CDK9: variants seen among roughly 807,000 people sequenced by gnomAD.
CDK9 encodes the protein cyclin-dependent kinase 9.
CDK9 carries 34 observed loss-of-function variants against 39.0 expected under a neutral mutation model. The observed-to-expected ratio is 0.87, with a 90% CI of 0.66 to 1.16. The LOEUF is 1.16. Ranked by LOEUF, CDK9 falls within the 50% of genes most tolerant of loss-of-function variation. The probability of loss-of-function intolerance (pLI) is 0.00; values close to 1 mark genes in which losing one functional copy is unlikely to be tolerated. For missense variants in CDK9, 369 were observed against 503.2 expected (o/e 0.73, Z 2.55); for synonymous variants, 233 against 196.2 (o/e 1.19, Z -1.57).
intron 3 of CDK9, 135 bp from the exon 4 acceptor site, chr9:127,787,812 G>A: frequency 9.9e-7 from 1 of 1,012,324 alleles, no homozygotes; most frequent in Non-Finnish European, 1.5e-6. Context: ...TATTTGACCG[G>A]TGAAGGAAGG....
In CDK9 at chr9:127,790,265, T is replaced by C. The variant is rs975380087; in HGVS notation, c.*722T>C. 24 of 152,364 alleles carry C rather than the reference T, an allele frequency of 1.6e-4. No homozygotes were observed. Among genetic ancestry groups the C allele is most frequent in the African/African-American group, 5.3e-4 (22 of 41,578 alleles). 9.4% of individuals were successfully genotyped at this position (152,364 alleles called of 1,614,324 possible). ...TCCATAATTGGAAAGGACCTTTGTCTGTTTTTCCTCTTGGGTGCCTTCCAG... is the reference window on the plus strand; with the variant it reads ...TCCATAATTGGAAAGGACCTTTGTCCGTTTTTCCTCTTGGGTGCCTTCCAG... On this transcript the variant is annotated 3_prime_UTR_variant, in exon 7 of 7. Coordinates refer to ENST00000373264, the MANE Select transcript of CDK9 (RefSeq NM_001261.4).
At chr9:127,786,648 G>A in intron 1 of CDK9, 53 bp from the exon 2 acceptor site, 1 of 1,482,532 alleles carries the variant, frequency 6.7e-7, no homozygotes, top group Non-Finnish European at 9.3e-7. Context: ...GGGGAGGGGC[G>A]GGCCCTGCGG....
chr9:127,788,162 T>G (rs1829364578), intron 4 of CDK9, 49 bp downstream of exon 4: 10 of 1,613,314 alleles, frequency 6.2e-6, no homozygotes, highest in Non-Finnish European at 7.6e-6. Flanking sequence ...TGGTCTTGGC[T>G]CCCACTCCCG....
At chr9:127,788,507 G>A in intron 5 of CDK9, 37 bp from the exon 6 acceptor site, 1 of 1,534,460 alleles carries the variant, frequency 6.5e-7, no homozygotes, top group Non-Finnish European at 8.8e-7. Context: ...GAGGCCCTCG[G>A]GCTCAAGGGG....
At position 127,789,481 on chromosome 9, in the gene CDK9, TCC is replaced by T; in HGVS notation, c.1058_1059del (p.Ser353TyrfsTer16). The T allele has an allele frequency of 6.2e-7, 1 of 1,614,100 alleles. No individual in the cohort carries two copies. The highest frequency in any genetic ancestry group is 8.5e-7 in the Non-Finnish European group (1 of 1,180,030). Reference protein sequence around the residue: ...RRKGSQITQQSTNQSRNPATT... With the variant: ...RRKGSQITQQXTNQSRNPATT... ...GAAGGGCAGCCAGATCACCCAGCAG[TCC>T]ACCAACCAGAGTCGCAATCCCGCCA... On this transcript the variant is annotated frameshift_variant, in exon 7 of 7. Transcript: ENST00000373264. LOFTEE classifies it high-confidence loss of function. This position sits in a 1 kb window ranked among gnomAD's most constrained non-coding sequence, Gnocchi z 5.2.
chr9:127,787,004 C>CT (rs1829336435), intron 2 of CDK9, among the ~76,000 whole-genome samples: 2 of 152,190 alleles, frequency 1.3e-5, no homozygotes, highest in Non-Finnish European at 2.9e-5. Context: ...ATCGTGTGCA[C>CT]TTTATTTCAC....
At position 127,789,039 on chromosome 9, in the gene CDK9, G is replaced by A. The variant is rs773830257; in HGVS notation, c.754-139G>A. 403 of 1,146,022 alleles carry A rather than the reference G, an allele frequency of 3.5e-4. 4 individuals carry two copies. The Middle Eastern group carries it at 3.6e-3, about 10-fold the overall frequency. 71.0% of individuals were successfully genotyped at this position (1,146,022 alleles called of 1,614,324 possible). A position where few individuals can be genotyped will look rare whatever the true frequency, so the allele number is the denominator to read the frequency against. On this transcript the variant is annotated intron_variant, in intron 6 of 6. Coordinates refer to ENST00000373264, the MANE Select transcript of CDK9 (RefSeq NM_001261.4). This position sits in a 1 kb window ranked among gnomAD's most constrained non-coding sequence, Gnocchi z 5.2. ...TATGTGCCAATCCATAGCGGGCACT[G>A]CTTCTGGGAGGGGTCGAGTAGCAGT...
In CDK9 at chr9:127,789,904, CAG is replaced by C. The variant is rs1189272231; in HGVS notation, c.*362_*363del. On this transcript the variant is annotated 3_prime_UTR_variant, in exon 7 of 7. Coordinates refer to ENST00000373264, the MANE Select transcript of CDK9 (RefSeq NM_001261.4). This position sits in a 1 kb window ranked among gnomAD's most constrained non-coding sequence, Gnocchi z 5.2. ...TCGGGCTGAGAACCCTGCGTGGGGA[CAG>C]GGCTCGCCTCAGGAATGGGCTGTTT... is the stretch of plus-strand genomic sequence containing the variant. 8.3e-6 allele frequency: 2 copies of C among 239,786 alleles called. No homozygotes were observed. Among genetic ancestry groups the C allele is most frequent in the Non-Finnish European group, 1.6e-5 (2 of 122,282 alleles). The allele number at this position is 239,786 out of a possible 1,614,324, so 14.9% of individuals were successfully genotyped here.
intron 2 of CDK9, 103 bp from the exon 3 acceptor site, chr9:127,787,415 C>T: frequency 4.3e-6 from 3 of 697,068 alleles, no homozygotes; most frequent in Middle Eastern, 2.5e-4. Context: ...GTTTCAGAGC[C>T]CATGATCTTG....
At chr9:127,787,882 T>G in intron 3 of CDK9, 65 bp from the exon 4 acceptor site, 2 of 1,552,774 alleles carry the variant, frequency 1.3e-6, no homozygotes, top group Non-Finnish European at 1.8e-6. Context: ...AGAAAGAAGC[T>G]GGTTGTGGGA....
chr9:127,788,306 C>T lies in CDK9; in HGVS notation c.525C>T (p.Ser175=), dbSNP rs1307152851. The T allele has an allele frequency of 1.2e-6, 2 of 1,613,152 alleles. No homozygotes were observed. Among genetic ancestry groups the T allele is most frequent in the South Asian group, 1.1e-5 (1 of 91,068 alleles). ...LADFGLARAF[S]LAKNSQPNRY... is the part of the protein sequence containing the mutation. ...ACTTTGGGCTGGCCCGGGCCTTCAGCCTGGCCAAGAACAGCCAGCCCAACC... is the reference window on the plus strand; with the variant it reads ...ACTTTGGGCTGGCCCGGGCCTTCAGTCTGGCCAAGAACAGCCAGCCCAACC... Residue 175 remains serine, a synonymous_variant, in exon 5 of 7, where the codon AGC becomes AGT. Coordinates refer to ENST00000373264, the MANE Select transcript of CDK9 (RefSeq NM_001261.4).
chr9:127,789,633 C>G lies in CDK9; in HGVS notation c.*90C>G, dbSNP rs568509308. The stretch of plus-strand genomic sequence containing the variant: ...AGACAGGGCATTTGAGTTTATATCT[C>G]TCATGCATATTTTATTTAATCCCCA... On this transcript the variant is annotated 3_prime_UTR_variant, in exon 7 of 7. Coordinates refer to ENST00000373264, the MANE Select transcript of CDK9 (RefSeq NM_001261.4). The surrounding 1 kb of genome is among the most constrained non-coding windows in gnomAD (Gnocchi z 5.2). 9 of 1,484,098 alleles carry G rather than the reference C, an allele frequency of 6.1e-6. No individual in the cohort carries two copies. In the African/African-American group the frequency reaches 9.8e-5, roughly 16 times the overall value. 91.9% of individuals were successfully genotyped at this position (1,484,098 alleles called of 1,614,324 possible).
At position 127,786,099 on chromosome 9, in the gene CDK9, G is replaced by C; in HGVS notation, c.-50G>C. The C allele has an allele frequency of 6.9e-7, 1 of 1,441,934 alleles. No individual in the cohort carries two copies. The highest frequency in any genetic ancestry group is 2.5e-5 in the East Asian group (1 of 39,408). 89.3% of individuals were successfully genotyped at this position (1,441,934 alleles called of 1,614,324 possible). A position where few individuals can be genotyped will look rare whatever the true frequency, so the allele number is the denominator to read the frequency against. Reference sequence around the variant, plus strand: ...GCGGCGGCGGCGGGACCCGGAGCAGGAGCGGCGGCAGCAGCGACTGGGGGC... The same window carrying C: ...GCGGCGGCGGCGGGACCCGGAGCAGCAGCGGCGGCAGCAGCGACTGGGGGC... On this transcript the variant is annotated 5_prime_UTR_variant, in exon 1 of 7. Transcript: ENST00000373264.
At chr9:127,787,277 C>T (rs917470085) in intron 2 of CDK9, among the ~76,000 whole-genome samples, 3 of 140,082 alleles carry the variant, frequency 2.1e-5, no homozygotes, top group African/African-American at 3.3e-5. Flanking sequence ...AATTTGAAGA[C>T]TGAAACCGCC....
chr9:127,789,819 T>G lies in CDK9; in HGVS notation c.*276T>G. The stretch of plus-strand genomic sequence containing the variant: ...GGGCTCGCCCACCAGTGACTTTTTC[T>G]AAGAGCTCCCGGCGTGGTGGAAGAG... On this transcript the variant is annotated 3_prime_UTR_variant, in exon 7 of 7. Coordinates refer to ENST00000373264, the MANE Select transcript of CDK9 (RefSeq NM_001261.4). This position sits in a 1 kb window ranked among gnomAD's most constrained non-coding sequence, Gnocchi z 5.2. The G allele has an allele frequency of 2.3e-6, 1 of 442,568 alleles. No individual in the cohort carries two copies. The highest frequency in any genetic ancestry group is 2.6e-5 in the South Asian group (1 of 38,572). 27.4% of individuals were successfully genotyped at this position (442,568 alleles called of 1,614,324 possible). A position where few individuals can be genotyped will look rare whatever the true frequency, so the allele number is the denominator to read the frequency against.
intron 2 of CDK9, 90 bp from the exon 3 acceptor site, chr9:127,787,428 C>CT (rs1475107865): frequency 2.5e-6 from 2 of 788,120 alleles, no homozygotes; most frequent in African/African-American, 3.5e-5. Context: ...TGATCTTGCT[C>CT]TGTCTCCCAA....
chr9:127,789,615 G>A lies in CDK9; in HGVS notation c.*72G>A. The A allele has an allele frequency of 3.2e-6, 5 of 1,544,390 alleles. No individual in the cohort carries two copies. Among genetic ancestry groups the A allele is most frequent in the African/African-American group, 1.4e-5 (1 of 73,050 alleles). ...ATGTGACTTGCATCGTGGAGACAGG[G>A]CATTTGAGTTTATATCTCTCATGCA... On this transcript the variant is annotated 3_prime_UTR_variant, in exon 7 of 7. Transcript: ENST00000373264. The surrounding 1 kb of genome is among the most constrained non-coding windows in gnomAD (Gnocchi z 5.2).
chr9:127,787,856 G>A lies in CDK9; in HGVS notation c.266-91G>A, dbSNP rs543799859. 144 of 1,382,612 alleles carry A rather than the reference G, an allele frequency of 1.0e-4. No homozygotes were observed. The African/African-American group carries it at 1.1e-3, about 11-fold the overall frequency. The allele number at this position is 1,382,612 out of a possible 1,614,324, so 85.6% of individuals were successfully genotyped here. A position where few individuals can be genotyped will look rare whatever the true frequency, so the allele number is the denominator to read the frequency against. The stretch of plus-strand genomic sequence containing the variant: ...GATGCTCTGGAGGGCATGGGTGCCC[G>A]TGGGTTGGAGCAGGAAGAAAGAAGC... On this transcript the variant is annotated intron_variant, in intron 3 of 6. Coordinates refer to ENST00000373264, the MANE Select transcript of CDK9 (RefSeq NM_001261.4).
In CDK9 at chr9:127,786,267, A is replaced by T. The variant is rs763730809; in HGVS notation, c.92+27A>T. 3.2e-6 allele frequency: 5 copies of T among 1,582,848 alleles called. No homozygotes were observed. The African/African-American group carries it at 6.8e-5, about 22-fold the overall frequency. On this transcript the variant is annotated intron_variant, in intron 1 of 6. Coordinates refer to ENST00000373264, the MANE Select transcript of CDK9 (RefSeq NM_001261.4). Reference sequence around the variant, plus strand: ...TAAGGCTGGGCCCCTCGGGGCCGGGAGCCCTGGGCCTGCACCCCTAGGGCC... The same window carrying T: ...TAAGGCTGGGCCCCTCGGGGCCGGGTGCCCTGGGCCTGCACCCCTAGGGCC...
Sources: gnomAD v4.1 joint callset for allele counts (sites outside exome capture counted in the v4.1 genomes callset) on GRCh38, gnomAD v4.1.1 for gene constraint, Gnocchi (gnomAD v3.1) non-coding constraint, MANE v1.5 for transcripts, NCBI Gene and HGNC (gene_info 2026-07-23, HGNC 2026-07-21) for gene names.